Variants in ESRRG observed in about 807,000 individuals in gnomAD.
ESRRG encodes the protein estrogen related receptor gamma.
ESRRG carries 13 observed loss-of-function variants against 44.0 expected under a neutral mutation model. That is an observed-to-expected ratio of 0.30 (90% CI 0.19 to 0.47). ESRRG has a LOEUF of 0.47. Among genes scored for constraint, ESRRG ranks in the 20% least tolerant of loss-of-function variants. ESRRG has a pLI of 1.00. For synonymous variants in ESRRG, 215 were observed against 214.6 expected (o/e 1.00, Z -0.02); for missense variants, 395 against 580.6 (o/e 0.68, Z 3.29).
chr1:216,694,890 C>T (rs2079820763), intron 1 of ESRRG, among the ~76,000 whole-genome samples: 1 of 152,116 alleles, frequency 6.6e-6, no homozygotes, highest in Non-Finnish European at 1.5e-5. Context: ...ACTGTTTTGG[C>T]TCCAGCATTT....
At chr1:217,135,867 C>T (rs1009354679) in intron 1 of ESRRG, among the ~76,000 whole-genome samples, 2 of 152,154 alleles carry the variant, frequency 1.3e-5, no homozygotes, top group African/African-American at 4.8e-5. Context: ...ACTTTTTGAC[C>T]GAAGCAACTA....
chr1:216,997,719 G>A (rs190868334), intron 1 of ESRRG, among the ~76,000 whole-genome samples: 343 of 152,264 alleles, frequency 2.3e-3, no homozygotes, highest in Non-Finnish European at 3.4e-3. Flanking sequence ...ACGGAAAAGC[G>A]TTTAAAATAG....
intron 2 of ESRRG, among the ~76,000 whole-genome samples, chr1:216,849,657 T>C (rs542080039): frequency 6.6e-6 from 1 of 152,212 alleles, no homozygotes; most frequent in African/African-American, 2.4e-5. Flanking sequence ...TGAAAAACTT[T>C]CCTTGATACA....
chr1:216,594,280 T>C (rs952040576), intron 3 of ESRRG, among the ~76,000 whole-genome samples: 18 of 152,304 alleles, frequency 1.2e-4, no homozygotes, highest in Middle Eastern at 6.8e-3. Context: ...TTCGTTATTG[T>C]TAGCATTTAC....
chr1:217,125,794 C>T (rs753214226), intron 1 of ESRRG, among the ~76,000 whole-genome samples: 1 of 152,202 alleles, frequency 6.6e-6, no homozygotes, highest in Non-Finnish European at 1.5e-5. Context: ...TGTGGTCAGA[C>T]AACTTCTTCT....
upstream of ESRRG, among the ~76,000 whole-genome samples, chr1:216,726,191 G>A (rs765237299): frequency 3.3e-5 from 5 of 152,088 alleles, no homozygotes; most frequent in Non-Finnish European, 7.4e-5. Flanking sequence ...CACTGAACTC[G>A]CTGCTTTCTG....
At chr1:217,056,329 T>C (rs958848564) in intron 1 of ESRRG, among the ~76,000 whole-genome samples, 11 of 152,342 alleles carry the variant, frequency 7.2e-5, no homozygotes, top group African/African-American at 2.6e-4. Context: ...AATTACATTT[T>C]ACTTATTGTC....
chr1:216,683,971 A>T (rs1206407416), intron 1 of ESRRG, among the ~76,000 whole-genome samples: 1 of 152,124 alleles, frequency 6.6e-6, no homozygotes, highest in South Asian at 2.1e-4. Context: ...CTATGTCTTC[A>T]CTCTTGCAAA....
At chr1:216,861,262 TAA>T (rs1246171618) in intron 2 of ESRRG, among the ~76,000 whole-genome samples, 2 of 151,928 alleles carry the variant, frequency 1.3e-5, no homozygotes, top group Non-Finnish European at 2.9e-5. Context: ...ACACATTAAA[TAA>T]AAGTGGTTTA....
intron 1 of ESRRG, among the ~76,000 whole-genome samples, chr1:217,116,833 A>G (rs760572848): frequency 1.3e-5 from 2 of 152,122 alleles, no homozygotes; most frequent in Non-Finnish European, 2.9e-5. Context: ...GTAGGCATGG[A>G]GTTGGCAAGA....
chr1:217,105,059 G>A (rs766206985), intron 1 of ESRRG, among the ~76,000 whole-genome samples: 6 of 152,120 alleles, frequency 3.9e-5, no homozygotes, highest in Non-Finnish European at 7.3e-5. Context: ...TTCCCAAAGA[G>A]GACTCCACCA....
At chr1:217,005,054 T>A (rs564939050) in intron 1 of ESRRG, among the ~76,000 whole-genome samples, 1 of 152,316 alleles carries the variant, frequency 6.6e-6, no homozygotes, top group South Asian at 2.1e-4. Flanking sequence ...TTGCACAAGA[T>A]AACTCAGTGT....
At chr1:217,109,082 G>T (rs974944819) in intron 1 of ESRRG, among the ~76,000 whole-genome samples, 3 of 152,114 alleles carry the variant, frequency 2.0e-5, no homozygotes, top group African/African-American at 7.2e-5. Context: ...TAATGGGACA[G>T]CCTAAAAGCT....
At chr1:217,095,105 A>G (rs780663368) in intron 1 of ESRRG, among the ~76,000 whole-genome samples, 4 of 152,204 alleles carry the variant, frequency 2.6e-5, no homozygotes, top group Non-Finnish European at 5.9e-5. Flanking sequence ...AGAAGGGTGC[A>G]TGACTCCAGA....
intron 5 of ESRRG, among the ~76,000 whole-genome samples, chr1:216,544,671 T>C (rs569376070): frequency 6.6e-6 from 1 of 151,916 alleles, no homozygotes; most frequent in South Asian, 2.1e-4. Context: ...CTAGAACGAG[T>C]TTCAAGAGCT....
intron 2 of ESRRG, among the ~76,000 whole-genome samples, chr1:216,732,255 G>A (rs1441525695): frequency 6.6e-6 from 1 of 151,894 alleles, no homozygotes; most frequent in Non-Finnish European, 1.5e-5. Context: ...TGCTGTAGCA[G>A]GTAGAAACTT....
At chr1:216,991,160 T>C (rs2075634641) in intron 1 of ESRRG, among the ~76,000 whole-genome samples, 2 of 151,632 alleles carry the variant, frequency 1.3e-5, no homozygotes, top group Non-Finnish European at 3.0e-5. Context: ...TGCCTGATGA[T>C]CTGAGGTAAA....
chr1:216,637,572 T>C (rs934012050), intron 3 of ESRRG, among the ~76,000 whole-genome samples: 5 of 152,216 alleles, frequency 3.3e-5, no homozygotes, highest in Admixed American at 3.3e-4. Flanking sequence ...AAAGACATCA[T>C]TATAAATATC....
At chr1:216,744,567 C>A (rs1251552851) in intron 2 of ESRRG, among the ~76,000 whole-genome samples, 1 of 152,112 alleles carries the variant, frequency 6.6e-6, no homozygotes, top group African/African-American at 2.4e-5. Flanking sequence ...ACACAGATTT[C>A]AGGCAAAAAC....
Sources: gnomAD v4.1 joint callset for allele counts (sites outside exome capture counted in the v4.1 genomes callset) on GRCh38, gnomAD v4.1.1 for gene constraint, MANE v1.5 for transcripts, NCBI Gene and HGNC (gene_info 2026-07-23, HGNC 2026-07-21) for gene names.